PSME3IP1: variants seen among roughly 807,000 people sequenced by gnomAD.
PSME3IP1 encodes the protein proteasome activator subunit 3 interacting protein 1, also known as PSME3-interacting protein.
A neutral mutation model predicts 34.1 loss-of-function variants in PSME3IP1; 13 were observed. That is an observed-to-expected ratio of 0.38 (90% CI 0.25 to 0.61). The LOEUF is 0.61. PSME3IP1 is among the 20% of genes least tolerant of loss of function. PSME3IP1 has a pLI of 0.60. For missense variants in PSME3IP1, 237 were observed against 301.4 expected (o/e 0.79, Z 1.58); for synonymous variants, 93 against 114.3 (o/e 0.81, Z 1.19).
chr16:57,154,256 T>G lies in PSME3IP1; in HGVS notation c.*34A>C. ...GCAGCATGAACGGTCCGATCTACCC[T>G]TGGGGAGGAGCTCCCTGTGTAGGGA... On this transcript the variant is annotated 3_prime_UTR_variant, in exon 7 of 7. Transcript: ENST00000309137. This position sits in a 1 kb window ranked among gnomAD's most constrained non-coding sequence, Gnocchi z 4.0. 1.2e-6 allele frequency: 2 copies of G among 1,601,310 alleles called. No homozygotes were observed. Among genetic ancestry groups the G allele is most frequent in the South Asian group, 2.2e-5 (2 of 90,742 alleles).
intron 4 of PSME3IP1, 113 bp downstream of exon 4, chr16:57,172,138 C>A: frequency 8.8e-7 from 1 of 1,131,088 alleles, no homozygotes; most frequent in African/African-American, 1.5e-5. Flanking sequence ...TTCAAAGGGA[C>A]TTGAGAGATC....
At chr16:57,159,759 TC>T (rs112801159) in intron 6 of PSME3IP1, among the ~76,000 whole-genome samples, 2,920 of 152,298 alleles carry the variant, frequency 0.019, 102 homozygotes, top group African/African-American at 0.067. Flanking sequence ...GTTCAAAGAA[TC>T]CACACAAGTT....
chr16:57,184,704 C>T (rs1210724098), intron 1 of PSME3IP1, among the ~76,000 whole-genome samples: 1 of 152,232 alleles, frequency 6.6e-6, no homozygotes, highest in Non-Finnish European at 1.5e-5. Context: ...AACCAAGCAT[C>T]ACCATTCTTG....
At chr16:57,168,167 T>A (rs1010682900) in intron 4 of PSME3IP1, among the ~76,000 whole-genome samples, 2 of 152,196 alleles carry the variant, frequency 1.3e-5, no homozygotes, top group Non-Finnish European at 2.9e-5. Flanking sequence ...GATGCACTAG[T>A]GCCTGGAACA....
At chr16:57,182,398 C>A (rs149509939) in intron 1 of PSME3IP1, among the ~76,000 whole-genome samples, 3 of 95,784 alleles carry the variant, frequency 3.1e-5, no homozygotes, top group Non-Finnish European at 6.0e-5. Flanking sequence ...CTCCCTCCCC[C>A]CACCCTATAT....
chr16:57,163,906 G>A, intron 6 of PSME3IP1, 95 bp downstream of exon 6: 1 of 1,252,920 alleles, frequency 8.0e-7, no homozygotes, highest in South Asian at 1.3e-5. Flanking sequence ...CTTGAAGACA[G>A]AAATGCATTC....
Position 57,185,937 on chromosome 16 carries a change from C to G in PSME3IP1, c.-132G>C, listed in dbSNP as rs1328273519. Reference sequence around the variant, plus strand: ...AAAATGAAAGGAAGAAAGAAAGAAACAGAGGAAGGAATGAATGAAAGAAAG... The same window carrying G: ...AAAATGAAAGGAAGAAAGAAAGAAAGAGAGGAAGGAATGAATGAAAGAAAG... On this transcript the variant is annotated 5_prime_UTR_variant, in exon 1 of 7. Transcript: ENST00000309137. 4 of 983,248 alleles carry G rather than the reference C, an allele frequency of 4.1e-6. No individual in the cohort carries two copies. The highest frequency in any genetic ancestry group is 4.8e-6 in the Non-Finnish European group (4 of 829,230). 60.9% of individuals were successfully genotyped at this position (983,248 alleles called of 1,614,324 possible). A position where few individuals can be genotyped will look rare whatever the true frequency, so the allele number is the denominator to read the frequency against.
At chr16:57,185,561 G>A in intron 1 of PSME3IP1, 1 of 985,528 alleles carries the variant, frequency 1.0e-6, no homozygotes, top group Non-Finnish European at 1.2e-6. Context: ...GAAAATTGGG[G>A]AAACCCCATT....
chr16:57,182,184 G>A (rs1465126837), intron 1 of PSME3IP1, among the ~76,000 whole-genome samples: 4 of 152,084 alleles, frequency 2.6e-5, no homozygotes, highest in Non-Finnish European at 5.9e-5. Context: ...AGGATTATAG[G>A]AGTCATATGC....
chr16:57,173,246 G>A (rs554968865), intron 2 of PSME3IP1, among the ~76,000 whole-genome samples: 167 of 152,208 alleles, frequency 1.1e-3, no homozygotes, highest in Non-Finnish European at 2.0e-3. Context: ...CAGAAAAGAA[G>A]CAGGATGTGA....
intron 1 of PSME3IP1, among the ~76,000 whole-genome samples, chr16:57,183,154 C>A (rs1597797440): frequency 6.6e-6 from 1 of 152,126 alleles, no homozygotes; most frequent in East Asian, 1.9e-4. Context: ...TGTGACGATG[C>A]ACAGTGAAAA....
rs531878274 is a variant in PSME3IP1 at position 57,168,701 on chromosome 16, G to C, written c.349-1475C>G. ...TCCTGTAATCCCAGCTAGTCGGGAG[G>C]CTGAGCCAGGAGAATCGCTTGAACC... On this transcript the variant is annotated intron_variant, in intron 4 of 6. Transcript: ENST00000309137. Among the ~76,000 whole-genome samples the C allele has an allele frequency of 2.7e-4, 40 of 150,496 alleles. 1 individual carries two copies. The South Asian group carries it at 8.2e-3, about 31-fold the overall frequency.
chr16:57,174,380 T>G, intron 1 of PSME3IP1: 7 of 931,080 alleles, frequency 7.5e-6, no homozygotes, highest in Non-Finnish European at 9.0e-6. Context: ...ATCAGAGAAT[T>G]TTTATTAACA....
chr16:57,179,815 T>C (rs982593903), intron 1 of PSME3IP1, among the ~76,000 whole-genome samples: 1 of 152,230 alleles, frequency 6.6e-6, no homozygotes, highest in South Asian at 2.1e-4. Flanking sequence ...ATATAGATTA[T>C]TGCTTTCCAA....
At chr16:57,180,926 CACT>C (rs1236101724) in intron 1 of PSME3IP1, among the ~76,000 whole-genome samples, 2 of 151,898 alleles carry the variant, frequency 1.3e-5, no homozygotes, top group African/African-American at 4.8e-5. Flanking sequence ...TGTGATGGTG[CACT>C]ACTTAGGAGG....
In PSME3IP1 at chr16:57,164,072, C is replaced by T; in HGVS notation, c.483-7G>A. 2 of 1,613,844 alleles carry T rather than the reference C, an allele frequency of 1.2e-6. No individual in the cohort carries two copies. The highest frequency in any genetic ancestry group is 1.1e-5 in the South Asian group (1 of 91,070). On this transcript the variant is annotated splice_region_variant and splice_polypyrimidine_tract_variant and intron_variant, in intron 5 of 6. Coordinates refer to ENST00000309137, the MANE Select transcript of PSME3IP1 (RefSeq NM_024946.4). ...ACTGTTGCCACTCTCTGAGCTGTAA[C>T]AAAACACATGGTGACTTGAGCCATG...
chr16:57,172,298 C>T lies in PSME3IP1; in HGVS notation c.301G>A (p.Glu101Lys). 1 of 1,613,948 alleles carries T rather than the reference C, an allele frequency of 6.2e-7. No homozygotes were observed. Among genetic ancestry groups the T allele is most frequent in the Non-Finnish European group, 8.5e-7 (1 of 1,179,988 alleles). The change falls in exon 4 of 7, where the codon GAA becomes AAA. Residue 101 changes from glutamate to lysine, a missense_variant. By Grantham distance (56) the Glu-to-Lys change is moderately conservative (BLOSUM62 1). Transcript: ENST00000309137. ...AGTTCTTCTTCTCTTCGTTGCTTTT[C>T]TATTAGTTCCTGCTGTCGAGAAACC... ...DEVSRQQELI[E>K]KQRREEELKE...
chr16:57,174,551 T>C, intron 1 of PSME3IP1: 1 of 985,466 alleles, frequency 1.0e-6, no homozygotes, highest in Non-Finnish European at 1.2e-6. Context: ...CCTCCTTTAT[T>C]TCTGTAACAT....
intron 2 of PSME3IP1, among the ~76,000 whole-genome samples, chr16:57,173,333 A>G (rs1475576216): frequency 2.0e-5 from 3 of 152,146 alleles, no homozygotes; most frequent in Admixed American, 1.3e-4. Flanking sequence ...CCTCAACTCT[A>G]AAGTATGGAC....
Sources: allele counts gnomAD v4.1 joint callset (sites outside exome capture counted in the v4.1 genomes callset), GRCh38; gene constraint gnomAD v4.1.1; non-coding constraint Gnocchi (gnomAD v3.1); transcripts MANE v1.5; gene names NCBI Gene and HGNC (gene_info 2026-07-23, HGNC 2026-07-21).